The following PLCB4 variants were observed in gnomAD, a reference collection of about 807,000 sequenced individuals.
The protein encoded by PLCB4 is 1-phosphatidylinositol 4,5-bisphosphate phosphodiesterase beta-4.
In PLCB4, 77 loss-of-function variants were observed where a neutral mutation model predicts 178.8. That is an observed-to-expected ratio of 0.43 (90% CI 0.36 to 0.52). The LOEUF is 0.52. Ranked by LOEUF, PLCB4 falls within the 20% of genes least tolerant of loss-of-function variation. The pLI is 0.00. For synonymous variants in PLCB4, 496 were observed against 490.8 expected (o/e 1.01, Z -0.14); for missense variants, 1,024 against 1,453.4 (o/e 0.70, Z 4.80).
chr20:9,313,622 G>A (rs984354564), intron 4 of PLCB4, among the ~76,000 whole-genome samples: 1 of 152,174 alleles, frequency 6.6e-6, no homozygotes, highest in African/African-American at 2.4e-5. Flanking sequence ...AATTAGTTTA[G>A]TTACTGGCTG....
chr20:9,164,346 C>T (rs1462298016), intron 2 of PLCB4, among the ~76,000 whole-genome samples: 2 of 151,926 alleles, frequency 1.3e-5, no homozygotes, highest in Admixed American at 1.3e-4. Flanking sequence ...TGCATGCACC[C>T]TTGTGAGGGA....
intron 20 of PLCB4, among the ~76,000 whole-genome samples, 177 bp from the exon 21 acceptor site, chr20:9,405,136 G>T (rs1362558585): frequency 6.6e-6 from 1 of 151,602 alleles, no homozygotes; most frequent in Non-Finnish European, 1.5e-5. Flanking sequence ...AGCCCTTCTG[G>T]TGCATAAAAC....
intron 2 of PLCB4, among the ~76,000 whole-genome samples, chr20:9,156,537 T>C (rs1482577646): frequency 6.6e-6 from 1 of 152,168 alleles, no homozygotes. Flanking sequence ...GTGTGAGTAC[T>C]GTACATGGAA....
chr20:9,384,835 G>A (rs111495836), intron 14 of PLCB4, among the ~76,000 whole-genome samples: 29 of 150,262 alleles, frequency 1.9e-4, no homozygotes, highest in African/African-American at 6.9e-4. Flanking sequence ...TCATTCTTGG[G>A]TGTTTCTCAG....
At chr20:9,443,877 C>T (rs977092882) in intron 30 of PLCB4, 104 bp from the exon 31 acceptor site, 3 of 676,536 alleles carry the variant, frequency 4.4e-6, no homozygotes, top group South Asian at 1.9e-5. Flanking sequence ...TGTAAAGCTG[C>T]TTCAAAGTCT....
intron 4 of PLCB4, among the ~76,000 whole-genome samples, chr20:9,326,750 G>A (rs577336859): frequency 7.2e-5 from 11 of 152,262 alleles, no homozygotes; most frequent in South Asian, 4.1e-4. Context: ...GGCAGAGTGG[G>A]ATGGAGGAGT....
chr20:9,265,819 C>CA (rs1371793161), intron 3 of PLCB4, among the ~76,000 whole-genome samples: 1 of 152,164 alleles, frequency 6.6e-6, no homozygotes, highest in African/African-American at 2.4e-5. Context: ...GGTCAAAAAG[C>CA]ATAGTGCCTG....
chr20:9,167,994 T>A (rs1322619393), intron 2 of PLCB4, among the ~76,000 whole-genome samples: 2 of 152,156 alleles, frequency 1.3e-5, no homozygotes, highest in African/African-American at 4.8e-5. Flanking sequence ...TTTTTAAGGG[T>A]GCATGAAGAA....
At chr20:9,256,781 A>G (rs748379133) in intron 3 of PLCB4, among the ~76,000 whole-genome samples, 1 of 152,258 alleles carries the variant, frequency 6.6e-6, no homozygotes, top group Non-Finnish European at 1.5e-5. Flanking sequence ...TAAATGTTGT[A>G]TAATGTGCAT....
Position 9,368,146 on chromosome 20 carries a change from T to C in PLCB4, c.503+2632T>C, listed in dbSNP as rs141547864. The stretch of plus-strand genomic sequence containing the variant: ...GAAACTATTAGTGTACTGTCCATAA[T>C]ATTAAAAGAGATCTGGCTTCATAGT... On this transcript the variant is annotated intron_variant, in intron 9 of 39. Coordinates refer to ENST00000378473, the MANE Select transcript of PLCB4 (RefSeq NM_001377142.1). 3.7e-3 allele frequency among the ~76,000 whole-genome samples: 558 copies of C among 152,340 alleles called. 4 individuals are homozygous for C. Among genetic ancestry groups the C allele is most frequent in the African/African-American group, 9.9e-3 (412 of 41,578 alleles).
At chr20:9,419,189 G>C (rs1167610975) in intron 25 of PLCB4, among the ~76,000 whole-genome samples, 1 of 151,914 alleles carries the variant, frequency 6.6e-6, no homozygotes, top group East Asian at 1.9e-4. Flanking sequence ...TAGAAATGGA[G>C]AAATAATTTA....
chr20:9,345,306 G>A (rs976444136), intron 7 of PLCB4, among the ~76,000 whole-genome samples: 2 of 151,948 alleles, frequency 1.3e-5, no homozygotes, highest in African/African-American at 4.8e-5. Flanking sequence ...GTTTTACAAG[G>A]CACTATAGAA....
intron 3 of PLCB4, among the ~76,000 whole-genome samples, chr20:9,219,820 C>T (rs567630514): frequency 1.8e-4 from 27 of 152,318 alleles, no homozygotes; most frequent in African/African-American, 6.5e-4. Context: ...CTGAGCATTT[C>T]TGGTTTTGTC....
rs1254340280 is a variant in PLCB4, at chr20:9,344,121, A to T, written c.369+5084A>T. On this transcript the variant is annotated intron_variant, in intron 7 of 39. Transcript: ENST00000378473. ...TCAGAACCCTCCAAGGCCCTGCTAG[A>T]TATCATCCCCACCTCCCTTCCCCTT... is the stretch of plus-strand genomic sequence containing the variant. Among the ~76,000 whole-genome samples the T allele has an allele frequency of 3.3e-5, 5 of 152,280 alleles. No homozygotes were observed. In the East Asian group the frequency reaches 5.8e-4, roughly 18 times the overall value.
At chr20:9,259,047 A>G (rs982266530) in intron 3 of PLCB4, among the ~76,000 whole-genome samples, 3 of 152,244 alleles carry the variant, frequency 2.0e-5, no homozygotes, top group Non-Finnish European at 1.5e-5. Context: ...TTAAAGCAGA[A>G]CAAAAAGTTG....
chr20:9,161,386 T>C (rs910747845), intron 2 of PLCB4, among the ~76,000 whole-genome samples: 4 of 152,214 alleles, frequency 2.6e-5, no homozygotes, highest in African/African-American at 9.6e-5. Flanking sequence ...CGTTGGCTTG[T>C]GAACTCAGTG....
At chr20:9,218,139 C>G (rs1404676524) in intron 3 of PLCB4, among the ~76,000 whole-genome samples, 6 of 152,146 alleles carry the variant, frequency 3.9e-5, no homozygotes, top group Non-Finnish European at 8.8e-5. Flanking sequence ...AGACGGAATT[C>G]TCGCTCTGTC....
At chr20:9,430,029 A>G (rs1427527392) in intron 28 of PLCB4, among the ~76,000 whole-genome samples, 1 of 152,208 alleles carries the variant, frequency 6.6e-6, no homozygotes, top group East Asian at 1.9e-4. Flanking sequence ...CAAATAAAAT[A>G]TACTAACACT....
At position 9,086,342 on chromosome 20, in the gene PLCB4, C is replaced by T. The variant is rs578171472; in HGVS notation, c.-134-9945C>T. Among the ~76,000 whole-genome samples the T allele has an allele frequency of 1.8e-4, 27 of 152,164 alleles. 1 individual carries two copies. The highest frequency in any genetic ancestry group is 5.1e-4 in the African/African-American group (21 of 41,528). The stretch of plus-strand genomic sequence containing the variant: ...TGAAGTGTCTTGTGAAGGTCAGGAA[C>T]TCCTCTAGGGACTCTCCTTTGGGAG... On this transcript the variant is annotated intron_variant, in intron 1 of 39. Transcript: ENST00000378473.
Sources: gnomAD v4.1 joint callset for allele counts (sites outside exome capture counted in the v4.1 genomes callset) on GRCh38, gnomAD v4.1.1 for gene constraint, MANE v1.5 for transcripts, NCBI Gene and HGNC (gene_info 2026-07-23, HGNC 2026-07-21) for gene names.